Variants in ADAMTS17 observed in about 807,000 individuals in gnomAD.
The protein encoded by ADAMTS17 is ADAM metallopeptidase with thrombospondin type 1 motif 17.
Under a neutral mutation model 141.5 loss-of-function variants are expected in ADAMTS17, and 113 were observed. The ratio of observed to expected loss-of-function variants is 0.80; its 90% CI spans 0.69 to 0.93. The LOEUF is 0.93. Ranked by LOEUF, ADAMTS17 falls within the 40% of genes least tolerant of loss-of-function variation. ADAMTS17 has a pLI of 0.00. For missense variants in ADAMTS17, 1,659 were observed against 1,517.9 expected, an observed-to-expected ratio of 1.09 and a Z score of -1.54; for synonymous variants, 768 against 630.6, an observed-to-expected ratio of 1.22 and a Z score of -3.27.
intron 3 of ADAMTS17, among the ~76,000 whole-genome samples, chr15:100,308,831 C>A (rs7179791): frequency 0.02 from 3,093 of 152,266 alleles, 91 homozygotes; most frequent in African/African-American, 0.07. Context: ...TCATGCACAA[C>A]TGGGCATATC....
At chr15:100,303,927 T>C (rs541693740) in intron 3 of ADAMTS17, among the ~76,000 whole-genome samples, 26 of 152,296 alleles carry the variant, frequency 1.7e-4, no homozygotes, top group African/African-American at 6.0e-4. Context: ...TTTCGCCACG[T>C]TGGGCAGGCT....
intron 9 of ADAMTS17, 75 bp from the exon 10 acceptor site, chr15:100,152,837 T>C: frequency 2.6e-6 from 4 of 1,568,404 alleles, no homozygotes; most frequent in Non-Finnish European, 3.4e-6. Context: ...CTTTTTTTTT[T>C]TGAGTTTTCA....
chr15:100,223,412 G>C (rs1033606806), intron 7 of ADAMTS17, among the ~76,000 whole-genome samples: 2 of 152,088 alleles, frequency 1.3e-5, no homozygotes, highest in Non-Finnish European at 2.9e-5. Context: ...TGAGTAACTA[G>C]TTTGCTACTT....
At position 100,096,415 on chromosome 15, in the gene ADAMTS17, C is replaced by T. The variant is rs1315705353; in HGVS notation, c.2078G>A (p.Ser693Asn). The change falls in exon 15 of 22, where the codon AGC (serine) becomes AAC (asparagine). Residue 693 changes from serine to asparagine, a missense_variant. Ser to Asn is a conservative substitution (Grantham distance 46). Coordinates refer to ENST00000268070, the MANE Select transcript of ADAMTS17 (RefSeq NM_139057.4). ...AAKEDRCGVCSGDGKTCHLVK... is the reference protein window; with the variant it reads ...AAKEDRCGVCNGDGKTCHLVK... ...CAAGTGGCAGGTCTTGCCGTCCCCG[C>T]TGCAGACCCCGCATCTGTCCTCTTT... is the stretch of plus-strand genomic sequence containing the variant. The T allele has an allele frequency of 3.1e-6, 5 of 1,614,086 alleles. No individual in the cohort carries two copies. The South Asian group carries it at 4.4e-5, about 14-fold the overall frequency.
At chr15:100,307,715 C>A (rs2045271748) in intron 3 of ADAMTS17, among the ~76,000 whole-genome samples, 2 of 152,182 alleles carry the variant, frequency 1.3e-5, no homozygotes, top group Non-Finnish European at 2.9e-5. Context: ...AATGAGATAG[C>A]CGATGTCACG....
intron 18 of ADAMTS17, among the ~76,000 whole-genome samples, chr15:100,012,766 A>T (rs1372561072): frequency 7.9e-5 from 12 of 152,180 alleles, no homozygotes; most frequent in Non-Finnish European, 1.5e-5. Flanking sequence ...TACCAGTACC[A>T]TGCTGTTTTG....
rs185951120 is a variant in ADAMTS17 at position 100,324,780 on chromosome 15, A to T, written c.616+6109T>A. On this transcript the variant is annotated intron_variant, in intron 3 of 21. Transcript: ENST00000268070. ...GTCTCCTCAATAGTCAAAAATGAGC[A>T]GGTGAATTATAACCACAGCAGCTGC... 3.3e-4 allele frequency among the ~76,000 whole-genome samples: 51 copies of T among 152,352 alleles called. 1 individual carries two copies. The highest frequency in any genetic ancestry group is 1.2e-3 in the African/African-American group (49 of 41,586).
chr15:100,080,428 G>A (rs184721947), intron 15 of ADAMTS17, among the ~76,000 whole-genome samples: 27 of 152,168 alleles, frequency 1.8e-4, no homozygotes, highest in African/African-American at 4.1e-4. Context: ...GATCCATTAG[G>A]GCGTCTCTTA....
At chr15:100,182,309 T>C (rs1356206215) in intron 8 of ADAMTS17, among the ~76,000 whole-genome samples, 2 of 152,090 alleles carry the variant, frequency 1.3e-5, no homozygotes, top group Non-Finnish European at 2.9e-5. Context: ...TGGTGAGCAC[T>C]CACTATCGCA....
rs1405715924 is a variant in ADAMTS17 at position 100,013,522 on chromosome 15, G to A, written c.2592-15933C>T. 2.0e-5 allele frequency among the ~76,000 whole-genome samples: 3 copies of A among 152,192 alleles called. No homozygotes were observed. The South Asian group carries it at 6.2e-4, about 32-fold the overall frequency. The stretch of plus-strand genomic sequence containing the variant: ...TCAGTACTGTGTTGGCTGTGGGTTT[G>A]TCATAGATGGCTTTTACTACATTGA... On this transcript the variant is annotated intron_variant, in intron 18 of 21. Transcript: ENST00000268070.
intron 7 of ADAMTS17, among the ~76,000 whole-genome samples, chr15:100,251,188 G>C (rs1235069210): frequency 1.3e-5 from 2 of 152,308 alleles, no homozygotes; most frequent in African/African-American, 2.4e-5. Flanking sequence ...TCTGCCCTCA[G>C]CTAACCAGCT....
At chr15:100,292,335 GAATTACGAGAGACACTCACCCCGTGTGA>G (rs1567497521) in intron 3 of ADAMTS17, among the ~76,000 whole-genome samples, 2 of 134,320 alleles carry the variant, frequency 1.5e-5, no homozygotes, top group African/African-American at 3.0e-5. Context: ...AGCCCGTGTG[GAATTACGAGAGACACTCACCCCGTGTGA>G]AATTACGAGA....
chr15:100,336,166 C>T (rs2046202673), intron 2 of ADAMTS17, among the ~76,000 whole-genome samples: 1 of 152,190 alleles, frequency 6.6e-6, no homozygotes, highest in Non-Finnish European at 1.5e-5. Flanking sequence ...TAACGTGTGT[C>T]CTAGACGATG....
At chr15:100,027,515 T>G (rs1596259417) in intron 18 of ADAMTS17, among the ~76,000 whole-genome samples, 1 of 152,374 alleles carries the variant, frequency 6.6e-6, no homozygotes. Flanking sequence ...AAATCCTCCC[T>G]GATACTTGTC....
intron 18 of ADAMTS17, among the ~76,000 whole-genome samples, chr15:100,036,886 T>C (rs1209144005): frequency 6.6e-6 from 1 of 152,234 alleles, no homozygotes; most frequent in Non-Finnish European, 1.5e-5. Context: ...TCAGGGTTTC[T>C]CTGTGCCAGA....
chr15:100,043,379 G>A (rs2031422273), intron 18 of ADAMTS17, among the ~76,000 whole-genome samples: 1 of 152,068 alleles, frequency 6.6e-6, no homozygotes, highest in Non-Finnish European at 1.5e-5. Flanking sequence ...GTGGTGGGGA[G>A]GCAGAAATCG....
intron 8 of ADAMTS17, among the ~76,000 whole-genome samples, chr15:100,179,316 ATG>A (rs2040443602): frequency 6.6e-6 from 1 of 152,204 alleles, no homozygotes; most frequent in South Asian, 2.1e-4. Context: ...TAAGTAGAAC[ATG>A]TGAAGTTCGT....
intron 4 of ADAMTS17, among the ~76,000 whole-genome samples, chr15:100,271,843 A>G (rs564566309): frequency 9.1e-4 from 138 of 152,192 alleles, no homozygotes; most frequent in Non-Finnish European, 1.5e-3. Context: ...TTTTTCTTCT[A>G]AGAGTTTTAC....
intron 7 of ADAMTS17, among the ~76,000 whole-genome samples, chr15:100,230,323 G>C (rs531289019): frequency 1.3e-5 from 2 of 152,180 alleles, no homozygotes; most frequent in Non-Finnish European, 2.9e-5. Flanking sequence ...CATCAGATGC[G>C]CATCCAGGGC....
Sources: allele counts gnomAD v4.1 joint callset (sites outside exome capture counted in the v4.1 genomes callset), GRCh38; gene constraint gnomAD v4.1.1; transcripts MANE v1.5; gene names NCBI Gene and HGNC (gene_info 2026-07-23, HGNC 2026-07-21).